CUBN: variants seen among roughly 807,000 people sequenced by gnomAD.
The protein encoded by CUBN is 460 kDa receptor.
CUBN carries 282 observed loss-of-function variants against 405.3 expected under a neutral mutation model. The observed-to-expected ratio is 0.70, with a 90% CI of 0.63 to 0.77. The LOEUF (loss-of-function observed/expected upper bound fraction) is 0.77. Among genes scored for constraint, CUBN ranks in the 30% least tolerant of loss-of-function variants. The pLI is 0.00. For synonymous variants in CUBN, 1,684 were observed against 1,617.0 expected (o/e 1.04, Z -0.99); for missense variants, 4,514 against 4,475.2 (o/e 1.01, Z -0.25).
chr10:17,105,093 G>A (rs990778546), intron 11 of CUBN, among the ~76,000 whole-genome samples: 1 of 151,820 alleles, frequency 6.6e-6, no homozygotes, highest in African/African-American at 2.4e-5. Flanking sequence ...GAGCCACCAC[G>A]CCTGGCCTAC....
At position 16,851,348 on chromosome 10, in the gene CUBN, T is replaced by A; in HGVS notation, c.9550A>T (p.Asn3184Tyr). 6.2e-7 allele frequency: 1 copy of A among 1,614,130 alleles called. No individual in the cohort carries two copies. The highest frequency in any genetic ancestry group is 2.2e-5 in the East Asian group (1 of 44,876). The change falls in exon 60 of 67, where the codon AAC becomes TAC. Residue 3184 changes from asparagine (N) to tyrosine (Y), a missense_variant. Around this residue, in one of 5 missense-constraint regions of CUBN, gnomAD observed 1,186 missense variants for 1,186.9 expected, o/e 1.00. Coordinates refer to ENST00000377833, the MANE Select transcript of CUBN (RefSeq NM_001081.4). Reference protein sequence around the residue: ...DSNGMYDKNLNCVWIIIAPVN... With the variant: ...DSNGMYDKNLYCVWIIIAPVN... ...GGTGCAATTATGATCCATACACAGT[T>A]TAAATTCTTGTCATACATTCCATTC...
chr10:17,038,545 A>C (rs1345838418), intron 27 of CUBN, among the ~76,000 whole-genome samples: 1 of 152,196 alleles, frequency 6.6e-6, no homozygotes, highest in Non-Finnish European at 1.5e-5. Flanking sequence ...CACGTAATTA[A>C]GTCTTTTTGT....
At position 16,831,327 on chromosome 10, in the gene CUBN, G is replaced by A; in HGVS notation, c.10453C>T (p.Leu3485=). The A allele has an allele frequency of 1.9e-6, 3 of 1,613,840 alleles. No homozygotes were observed. The African/African-American group carries it at 4.0e-5, about 22-fold the overall frequency. Residue 3485 remains leucine, a synonymous_variant, in exon 65 of 67, where the codon CTA becomes TTA. Coordinates refer to ENST00000377833, the MANE Select transcript of CUBN (RefSeq NM_001081.4). ...CTATCACTCTTAAATCGTAGGTATAGTTCATTATTTTGAGAGAAGACAGGG... is the reference window on the plus strand; with the variant it reads ...CTATCACTCTTAAATCGTAGGTATAATTCATTATTTTGAGAGAAGACAGGG... ...PNPVFSQNNE[L]YLRFKSDSVT...
At chr10:16,846,900 T>C (rs894876786) in intron 60 of CUBN, among the ~76,000 whole-genome samples, 2 of 151,958 alleles carry the variant, frequency 1.3e-5, no homozygotes, top group African/African-American at 4.8e-5. Flanking sequence ...TGAGGACCTC[T>C]CTCTGCTGGT....
At chr10:17,059,116 C>CAA (rs35107494) in intron 22 of CUBN, among the ~76,000 whole-genome samples, 1 of 145,012 alleles carries the variant, frequency 6.9e-6, no homozygotes, top group African/African-American at 2.6e-5. Flanking sequence ...TGACCAACCT[C>CAA]AAAAAAAAAA....
At chr10:17,092,301 C>T (rs1836281116) in intron 14 of CUBN, among the ~76,000 whole-genome samples, 1 of 152,148 alleles carries the variant, frequency 6.6e-6, no homozygotes, top group Admixed American at 6.5e-5. Context: ...AATGGACTGA[C>T]ATCCCTCTAC....
chr10:16,958,977 A>G (rs973774951), intron 31 of CUBN, among the ~76,000 whole-genome samples: 1 of 152,214 alleles, frequency 6.6e-6, no homozygotes, highest in Non-Finnish European at 1.5e-5. Context: ...TGAATGGTGC[A>G]TCCTCTTGTG....
At chr10:16,898,916 C>G (rs572592002) in intron 54 of CUBN, 80 bp downstream of exon 54, 1 of 1,103,028 alleles carries the variant, frequency 9.1e-7, no homozygotes, top group Admixed American at 1.7e-5. Flanking sequence ...TTACTTTGAG[C>G]GACAATGAAT....
chr10:17,113,935 T>G (rs992016827), intron 8 of CUBN, 92 bp downstream of exon 8: 1 of 1,250,358 alleles, frequency 8.0e-7, no homozygotes, highest in Non-Finnish European at 1.1e-6. Context: ...TCCTAAGAAT[T>G]GTCTTCTTAC....
Position 17,074,733 on chromosome 10 carries a change from C to T in CUBN, c.2302-2762G>A, listed in dbSNP as rs185534900. Among the ~76,000 whole-genome samples, 178 of 152,272 alleles carry T rather than the reference C, an allele frequency of 1.2e-3. 1 individual carries two copies. Among genetic ancestry groups the T allele is most frequent in the African/African-American group, 4.0e-3 (166 of 41,556 alleles). ...CAGACAATCAACTGCTTTATTTTGT[C>T]TTCAAGTACAGCTTGCCTAGGTTTT... On this transcript the variant is annotated intron_variant, in intron 17 of 66. Coordinates refer to ENST00000377833, the MANE Select transcript of CUBN (RefSeq NM_001081.4).
At chr10:16,918,347 T>C (rs984240167) in intron 45 of CUBN, among the ~76,000 whole-genome samples, 1 of 152,172 alleles carries the variant, frequency 6.6e-6, no homozygotes, top group African/African-American at 2.4e-5. Context: ...AATAGTTTGA[T>C]AGGAATCCCA....
chr10:17,004,065 T>C (rs1180373547), intron 28 of CUBN, among the ~76,000 whole-genome samples: 2 of 152,316 alleles, frequency 1.3e-5, no homozygotes, highest in African/African-American at 4.8e-5. Flanking sequence ...TTTCTCTCTC[T>C]TTCTTGGCTC....
At chr10:16,835,310 A>G (rs1163390280) in intron 63 of CUBN, 115 bp from the exon 64 acceptor site, 5 of 938,272 alleles carry the variant, frequency 5.3e-6, no homozygotes, top group Non-Finnish European at 8.6e-6. Context: ...GAAAAAAGTA[A>G]TCCAGCTTCT....
At chr10:16,946,345 T>C (rs1018908917) in intron 36 of CUBN, among the ~76,000 whole-genome samples, 1 of 152,152 alleles carries the variant, frequency 6.6e-6, no homozygotes, top group Non-Finnish European at 1.5e-5. Context: ...CAGAATGTGA[T>C]AGGATCCTAC....
chr10:16,974,904 T>G (rs1333705242), intron 31 of CUBN, among the ~76,000 whole-genome samples: 2 of 152,250 alleles, frequency 1.3e-5, no homozygotes, highest in Non-Finnish European at 2.9e-5. Context: ...GCATTTTATT[T>G]TCTCTAGCTT....
At chr10:17,079,970 A>G (rs1307068263) in intron 17 of CUBN, among the ~76,000 whole-genome samples, 1 of 152,132 alleles carries the variant, frequency 6.6e-6, no homozygotes, top group Non-Finnish European at 1.5e-5. Context: ...AGAGGGAAGG[A>G]TGCAGGGGAA....
rs753401071 is a variant in CUBN at position 17,084,478 on chromosome 10, G to A, written c.2111-17C>T. ...GCAGATCCGCTAAGAACAGGGAAGAGACGAACAGGTCATGGCAATGGCATT... is the reference window on the plus strand; with the variant it reads ...GCAGATCCGCTAAGAACAGGGAAGAAACGAACAGGTCATGGCAATGGCATT... On this transcript the variant is annotated splice_polypyrimidine_tract_variant and intron_variant, in intron 16 of 66. Transcript: ENST00000377833. The A allele has an allele frequency of 1.2e-6, 2 of 1,609,960 alleles. No homozygotes were observed. The highest frequency in any genetic ancestry group is 3.4e-5 in the Admixed American group (2 of 59,544).
chr10:17,038,322 A>G (rs1162513771), intron 27 of CUBN, among the ~76,000 whole-genome samples: 1 of 152,248 alleles, frequency 6.6e-6, no homozygotes, highest in African/African-American at 2.4e-5. Context: ...TGTAAAATAC[A>G]GCCAGAACTC....
chr10:16,915,889 T>G lies in CUBN; in HGVS notation c.7142A>C (p.Asp2381Ala), dbSNP rs768087461. ...GCCAGAAGAATTCTGAAGGTTAAAG[T>G]CTTCAAAAGAGATGGTGAGATAGTG... ...SGHYLTISFE[D>A]FNLQNSSGCE... The change falls in exon 46 of 67, where the codon GAC becomes GCC. Residue 2381 changes from aspartate (D) to alanine (A), a missense_variant. Transcript: ENST00000377833. The G allele has an allele frequency of 1.2e-6, 2 of 1,614,116 alleles. No individual in the cohort carries two copies. Among genetic ancestry groups the G allele is most frequent in the Non-Finnish European group, 8.5e-7 (1 of 1,180,000 alleles).
Sources: allele counts gnomAD v4.1 joint callset (sites outside exome capture counted in the v4.1 genomes callset), GRCh38; gene constraint gnomAD v4.1.1; regional missense constraint gnomAD v4.1.1; transcripts MANE v1.5; gene names NCBI Gene and HGNC (gene_info 2026-07-23, HGNC 2026-07-21).